The following UNC5D variants were observed in gnomAD, a reference collection of about 807,000 sequenced individuals.
The protein encoded by UNC5D is unc-5 netrin receptor D, also known as netrin receptor UNC5D.
A neutral mutation model predicts 105.4 loss-of-function variants in UNC5D; 39 were observed. The observed-to-expected ratio is 0.37, with a 90% CI of 0.29 to 0.48. The LOEUF (loss-of-function observed/expected upper bound fraction) is 0.48. Ranked by LOEUF, UNC5D falls within the 20% of genes least tolerant of loss-of-function variation. The probability of loss-of-function intolerance (pLI) is 0.98; values close to 1 mark genes in which losing one functional copy is unlikely to be tolerated. For missense variants in UNC5D, 991 were observed against 1,202.4 expected, an observed-to-expected ratio of 0.82 and a Z score of 2.60; for synonymous variants, 452 against 450.4, an observed-to-expected ratio of 1.00 and a Z score of -0.04.
rs373284235 is a variant in UNC5D at position 35,549,365 on chromosome 8, G to T, written c.177G>T (p.Glu59Asp). ...GGACACTGCCTCATTTCATAGAGGA[G>T]CCAGATGATGCTTATATTATCAAGA... The part of the protein sequence containing the change: ...APGTLPHFIE[E>D]PDDAYIIKSN... Residue 59 changes from glutamate (E) to aspartate (D), a missense_variant, in exon 2 of 17, where the codon GAG becomes GAT. Around this residue, in one of 3 missense-constraint regions of UNC5D, gnomAD observed 944 missense variants for 1,131.6 expected, o/e 0.83. Transcript: ENST00000404895. 78 of 1,613,478 alleles carry T rather than the reference G, an allele frequency of 4.8e-5. No individual in the cohort carries two copies. Among genetic ancestry groups the T allele is most frequent in the Non-Finnish European group, 6.6e-5 (78 of 1,180,040 alleles).
At chr8:35,698,930 G>A (rs1826985123) in intron 7 of UNC5D, among the ~76,000 whole-genome samples, 1 of 152,014 alleles carries the variant, frequency 6.6e-6, no homozygotes, top group Non-Finnish European at 1.5e-5. Context: ...GGAAGGTAGG[G>A]GATCAAAGCA....
At position 35,791,859 on chromosome 8, in the gene UNC5D, T is replaced by C. The variant is rs112946126; in HGVS notation, c.*1296T>C. The stretch of plus-strand genomic sequence containing the variant: ...TTTTTTACATTAGGAGGCAGTGATA[T>C]TGTGGAAGATTGAAATCCACAGATA... On this transcript the variant is annotated 3_prime_UTR_variant, in exon 17 of 17. Transcript: ENST00000404895. 3 of 152,274 alleles carry C rather than the reference T, an allele frequency of 2.0e-5. No homozygotes were observed. The highest frequency in any genetic ancestry group is 7.2e-5 in the African/African-American group (3 of 41,554). 9.4% of individuals were successfully genotyped at this position (152,274 alleles called of 1,614,324 possible).
intron 1 of UNC5D, among the ~76,000 whole-genome samples, chr8:35,414,222 C>G (rs1805389655): frequency 6.6e-6 from 1 of 152,120 alleles, no homozygotes; most frequent in Admixed American, 6.6e-5. Context: ...ATTGTGATTA[C>G]AAAGTTCCTC....
chr8:35,267,033 G>T (rs1461257206), intron 1 of UNC5D, among the ~76,000 whole-genome samples: 1 of 151,582 alleles, frequency 6.6e-6, no homozygotes, highest in Non-Finnish European at 1.5e-5. Flanking sequence ...CCTCTAGTTG[G>T]AAATAATGTC....
At chr8:35,639,796 G>A (rs1000450116) in intron 4 of UNC5D, among the ~76,000 whole-genome samples, 3 of 151,936 alleles carry the variant, frequency 2.0e-5, no homozygotes, top group Non-Finnish European at 4.4e-5. Flanking sequence ...CCAGGCTGAA[G>A]AGCAGTGGTG....
intron 1 of UNC5D, among the ~76,000 whole-genome samples, chr8:35,238,856 CGTCT>C (rs1802630138): frequency 6.6e-6 from 1 of 152,038 alleles, no homozygotes; most frequent in Non-Finnish European, 1.5e-5. Context: ...TACTTAAATC[CGTCT>C]ATCTGTCTAG....
At chr8:35,568,014 A>C in intron 2 of UNC5D, 84 bp from the exon 3 acceptor site, 1 of 1,541,868 alleles carries the variant, frequency 6.5e-7, no homozygotes. Flanking sequence ...TTAATTAAAA[A>C]GAAAAGGTTT....
At chr8:35,578,644 G>T (rs1163614227) in intron 3 of UNC5D, among the ~76,000 whole-genome samples, 1 of 152,144 alleles carries the variant, frequency 6.6e-6, no homozygotes, top group African/African-American at 2.4e-5. Flanking sequence ...GATGGCATGG[G>T]GTTAATCAAT....
chr8:35,746,459 CTA>C (rs1830012535), intron 11 of UNC5D, among the ~76,000 whole-genome samples: 1 of 152,146 alleles, frequency 6.6e-6, no homozygotes, highest in Non-Finnish European at 1.5e-5. Flanking sequence ...CCCATGGACA[CTA>C]TTTTCACAGT....
intron 4 of UNC5D, among the ~76,000 whole-genome samples, chr8:35,626,993 A>G (rs1821732953): frequency 1.3e-5 from 2 of 152,224 alleles, no homozygotes; most frequent in Admixed American, 1.3e-4. Context: ...ACTTTTCAGT[A>G]CTGATAACCT....
chr8:35,748,058 T>C (rs1259558010), intron 11 of UNC5D, among the ~76,000 whole-genome samples: 1 of 152,222 alleles, frequency 6.6e-6, no homozygotes, highest in East Asian at 1.9e-4. Flanking sequence ...CTGTTTTGCT[T>C]CATAATAATT....
At chr8:35,599,245 G>T (rs1421155563) in intron 4 of UNC5D, among the ~76,000 whole-genome samples, 1 of 151,476 alleles carries the variant, frequency 6.6e-6, no homozygotes, top group African/African-American at 2.4e-5. Context: ...GGAGACATTG[G>T]TCAAAGGGTA....
rs550636925 is a variant in UNC5D at position 35,630,170 on chromosome 8, T to A, written c.570+34513T>A. Among the ~76,000 whole-genome samples the A allele has an allele frequency of 2.6e-4, 40 of 152,352 alleles. 3 individuals carry two copies. The South Asian group carries it at 3.9e-3, about 15-fold the overall frequency. Reference sequence around the variant, plus strand: ...AATAGATGAACTCTGGCCTTTTTTATACCGAACTTTACTTCTTGTAAGAAA... The same window carrying A: ...AATAGATGAACTCTGGCCTTTTTTAAACCGAACTTTACTTCTTGTAAGAAA... On this transcript the variant is annotated intron_variant, in intron 4 of 16. Transcript: ENST00000404895.
intron 4 of UNC5D, among the ~76,000 whole-genome samples, chr8:35,656,962 T>A (rs2131209147): frequency 6.6e-6 from 1 of 151,052 alleles, no homozygotes; most frequent in Middle Eastern, 3.4e-3. Context: ...TCTGGAACAA[T>A]ATTTGGCACT....
At chr8:35,436,331 A>C (rs1211195493) in intron 1 of UNC5D, among the ~76,000 whole-genome samples, 3 of 152,100 alleles carry the variant, frequency 2.0e-5, no homozygotes, top group African/African-American at 7.2e-5. Flanking sequence ...AAGATGTTTA[A>C]ATTTATAACA....
At chr8:35,693,906 C>T (rs1348624326) in intron 7 of UNC5D, among the ~76,000 whole-genome samples, 1 of 152,036 alleles carries the variant, frequency 6.6e-6, no homozygotes, top group East Asian at 1.9e-4. Context: ...AAATAAAACA[C>T]CTCCACTGTA....
chr8:35,504,611 A>G (rs1264142501), intron 1 of UNC5D, among the ~76,000 whole-genome samples: 1 of 152,156 alleles, frequency 6.6e-6, no homozygotes, highest in African/African-American at 2.4e-5. Flanking sequence ...ACTCCATTCA[A>G]AGCCTCTAGT....
intron 4 of UNC5D, among the ~76,000 whole-genome samples, chr8:35,641,623 A>T (rs570058743): frequency 6.6e-6 from 1 of 152,268 alleles, no homozygotes; most frequent in African/African-American, 2.4e-5. Flanking sequence ...TCAGTCATAA[A>T]TACAATATAA....
chr8:35,264,627 G>A (rs1804716219), intron 1 of UNC5D, among the ~76,000 whole-genome samples: 1 of 151,550 alleles, frequency 6.6e-6, no homozygotes, highest in African/African-American at 2.4e-5. Flanking sequence ...CTACTTGGGA[G>A]ACTGAGACAG....
Sources: gnomAD v4.1 joint callset for allele counts (sites outside exome capture counted in the v4.1 genomes callset) on GRCh38, gnomAD v4.1.1 for gene constraint, gnomAD v4.1.1 regional missense constraint, MANE v1.5 for transcripts, NCBI Gene and HGNC (gene_info 2026-07-23, HGNC 2026-07-21) for gene names.